The following GRIA4 variants were observed in gnomAD, a reference collection of about 807,000 sequenced individuals.
GRIA4 encodes the protein glutamate receptor 4.
A neutral mutation model predicts 104.0 loss-of-function variants in GRIA4; 34 were observed. That is an observed-to-expected ratio of 0.33 (90% CI 0.25 to 0.44). The LOEUF (loss-of-function observed/expected upper bound fraction) is 0.44. GRIA4 is among the 20% of genes least tolerant of loss of function. The probability of loss-of-function intolerance (pLI) is 1.00; values close to 1 mark genes in which losing one functional copy is unlikely to be tolerated. For missense variants in GRIA4, 750 were observed against 1,096.5 expected, an observed-to-expected ratio of 0.68 and a Z score of 4.46; for synonymous variants, 386 against 381.9, an observed-to-expected ratio of 1.01 and a Z score of -0.13.
chr11:105,861,442 C>T (rs1304442879), intron 4 of GRIA4, among the ~76,000 whole-genome samples: 5 of 152,038 alleles, frequency 3.3e-5, no homozygotes, highest in Non-Finnish European at 5.9e-5. Context: ...TTCAACTGAT[C>T]CCCAGTCTAT....
At chr11:105,844,657 A>G (rs1944517859) in intron 4 of GRIA4, among the ~76,000 whole-genome samples, 1 of 152,236 alleles carries the variant, frequency 6.6e-6, no homozygotes, top group African/African-American at 2.4e-5. Flanking sequence ...TTATTTCTCC[A>G]AAGATCCTAA....
intron 3 of GRIA4, among the ~76,000 whole-genome samples, chr11:105,622,865 T>C (rs1223493708): frequency 6.6e-6 from 1 of 151,716 alleles, no homozygotes; most frequent in Non-Finnish European, 1.5e-5. Context: ...GAGTCTACAA[T>C]GTCTATTAGT....
chr11:105,721,685 C>A (rs1300590323), intron 3 of GRIA4, among the ~76,000 whole-genome samples: 1 of 152,154 alleles, frequency 6.6e-6, no homozygotes, highest in Non-Finnish European at 1.5e-5. Flanking sequence ...ACACAAATTA[C>A]TTGTGCAATT....
intron 4 of GRIA4, among the ~76,000 whole-genome samples, chr11:105,808,000 TTC>T (rs1184703267): frequency 6.6e-6 from 1 of 151,990 alleles, no homozygotes; most frequent in Non-Finnish European, 1.5e-5. Flanking sequence ...TCTCTTTTGA[TTC>T]TCTTATTCTA....
rs184017867 is a variant in GRIA4 at position 105,714,423 on chromosome 11, A to G, written c.248-38558A>G. The stretch of plus-strand genomic sequence containing the variant: ...ATAATTTGGTTGAATGCTTCCCTAC[A>G]ATAAATAAGTGAATAAGTCTCCATC... On this transcript the variant is annotated intron_variant, in intron 3 of 16. Transcript: ENST00000282499. Among the ~76,000 whole-genome samples, 15 of 152,228 alleles carry G rather than the reference A, an allele frequency of 9.9e-5. No homozygotes were observed. The East Asian group carries it at 2.9e-3, about 29-fold the overall frequency.
chr11:105,887,071 G>T (rs1483885943), intron 5 of GRIA4, among the ~76,000 whole-genome samples: 7 of 151,886 alleles, frequency 4.6e-5, no homozygotes, highest in African/African-American at 1.7e-4. Flanking sequence ...GAAAAACCTT[G>T]CTTGCTACTC....
intron 6 of GRIA4, among the ~76,000 whole-genome samples, chr11:105,887,823 C>T (rs976170606): frequency 5.3e-5 from 8 of 152,252 alleles, no homozygotes; most frequent in African/African-American, 1.7e-4. Context: ...TACGATACCA[C>T]TTGTCAAATT....
intron 4 of GRIA4, among the ~76,000 whole-genome samples, chr11:105,838,895 C>A (rs1004897277): frequency 6.6e-6 from 1 of 152,168 alleles, no homozygotes; most frequent in South Asian, 2.1e-4. Flanking sequence ...TAATGACACC[C>A]TGAAACCTGA....
At chr11:105,885,216 C>T (rs1946212271) in intron 5 of GRIA4, among the ~76,000 whole-genome samples, 1 of 152,120 alleles carries the variant, frequency 6.6e-6, no homozygotes, top group Non-Finnish European at 1.5e-5. Context: ...TGGAGATTCC[C>T]AGAAAATAAG....
chr11:105,740,838 A>G (rs992465582), intron 3 of GRIA4, among the ~76,000 whole-genome samples: 2 of 152,140 alleles, frequency 1.3e-5, no homozygotes, highest in African/African-American at 4.8e-5. Flanking sequence ...GAGTTTGGCT[A>G]TGGTTAGTAA....
intron 3 of GRIA4, among the ~76,000 whole-genome samples, chr11:105,650,067 TGAA>T (rs1398736941): frequency 2.0e-5 from 3 of 152,160 alleles, no homozygotes; most frequent in African/African-American, 7.2e-5. Context: ...AATAATTGTC[TGAA>T]GAAAAGGCAT....
At chr11:105,844,471 C>T (rs148221779) in intron 4 of GRIA4, among the ~76,000 whole-genome samples, 2 of 152,262 alleles carry the variant, frequency 1.3e-5, no homozygotes, top group South Asian at 2.1e-4. Context: ...ACCCTAAATG[C>T]CCTTGCAGGG....
chr11:105,858,791 T>G (rs1945113418), intron 4 of GRIA4, among the ~76,000 whole-genome samples: 1 of 152,144 alleles, frequency 6.6e-6, no homozygotes, highest in Non-Finnish European at 1.5e-5. Context: ...TTATTTCAGT[T>G]AACAAAATGT....
intron 8 of GRIA4, 65 bp from the exon 9 acceptor site, chr11:105,905,132 G>T: frequency 1.2e-6 from 1 of 856,058 alleles, no homozygotes; most frequent in South Asian, 1.3e-5. Flanking sequence ...AAGCCCAGCA[G>T]ATGAAGTTAA....
At chr11:105,924,917 C>A in intron 12 of GRIA4, 148 bp downstream of exon 12, 1 of 584,928 alleles carries the variant, frequency 1.7e-6, no homozygotes. Context: ...GCAATTTCTT[C>A]CAAGTTAGCA....
At chr11:105,828,682 T>C (rs1414233099) in intron 4 of GRIA4, among the ~76,000 whole-genome samples, 3 of 150,746 alleles carry the variant, frequency 2.0e-5, no homozygotes, top group African/African-American at 7.3e-5. Flanking sequence ...AAAAAGAGTA[T>C]GAGGCTTTCA....
intron 5 of GRIA4, among the ~76,000 whole-genome samples, chr11:105,885,444 A>G (rs1946220794): frequency 6.6e-6 from 1 of 152,238 alleles, no homozygotes; most frequent in African/African-American, 2.4e-5. Flanking sequence ...AAGGTTATGT[A>G]AAATATTATA....
chr11:105,612,124 C>A, intron 2 of GRIA4, 152 bp from the exon 3 acceptor site: 2 of 666,918 alleles, frequency 3.0e-6, no homozygotes, highest in Non-Finnish European at 5.2e-6. Flanking sequence ...AAGCATGCAC[C>A]TTAGGGACAA....
At position 105,981,079 on chromosome 11, in the gene GRIA4, A is replaced by G. The variant is rs1444758591; in HGVS notation, c.*1340A>G. 6.6e-6 allele frequency: 1 copy of G among 152,660 alleles called. No homozygotes were observed. Among genetic ancestry groups the G allele is most frequent in the African/African-American group, 2.4e-5 (1 of 41,454 alleles). The allele number at this position is 152,660 out of a possible 1,614,324, so 9.5% of individuals were successfully genotyped here. A position where few individuals can be genotyped will look rare whatever the true frequency, so the allele number is the denominator to read the frequency against. On this transcript the variant is annotated 3_prime_UTR_variant, in exon 17 of 17. Coordinates refer to ENST00000282499, the MANE Select transcript of GRIA4 (RefSeq NM_000829.4). Reference sequence around the variant, plus strand: ...GCATTCATAATAGCTTGGGGTAGATAACAAATGAAGAATTAGTCTTTGTTT... The same window carrying G: ...GCATTCATAATAGCTTGGGGTAGATGACAAATGAAGAATTAGTCTTTGTTT...
Sources: allele counts gnomAD v4.1 joint callset (sites outside exome capture counted in the v4.1 genomes callset), GRCh38; gene constraint gnomAD v4.1.1; transcripts MANE v1.5; gene names NCBI Gene and HGNC (gene_info 2026-07-23, HGNC 2026-07-21).